SAMMSON: variants seen among roughly 807,000 people sequenced by gnomAD.
The protein encoded by SAMMSON is survival associated mitochondrial melanoma specific oncogenic non-coding RNA, also known as long intergenic non-protein coding RNA 1212.
At chr3:70,075,910 G>C (rs547063781) in intron 4 of SAMMSON, among the ~76,000 whole-genome samples, 22 of 131,306 alleles carry the variant, frequency 1.7e-4, no homozygotes, top group South Asian at 9.5e-4. Flanking sequence ...TATTCATTCT[G>C]AGGTAGTCCT....
intron 4 of SAMMSON, among the ~76,000 whole-genome samples, chr3:70,124,746 C>CA (rs1194809017): frequency 2.3e-5 from 3 of 128,474 alleles, no homozygotes; most frequent in Non-Finnish European, 4.6e-5. Context: ...ACCCGGGAGG[C>CA]AGAGCTTGCA....
At chr3:70,373,369 G>C (rs1019278573) in intron 9 of SAMMSON, among the ~76,000 whole-genome samples, 3 of 151,994 alleles carry the variant, frequency 2.0e-5, no homozygotes, top group Non-Finnish European at 2.9e-5. Context: ...CCATAGGAAA[G>C]AGTTTTTTCT....
intron 4 of SAMMSON, among the ~76,000 whole-genome samples, chr3:70,156,201 C>T (rs531055387): frequency 2.6e-5 from 4 of 152,110 alleles, no homozygotes; most frequent in Admixed American, 1.3e-4. Context: ...CTTCAATGGT[C>T]GGATGAGGGT....
At chr3:70,162,531 G>A (rs536502799) in intron 4 of SAMMSON, among the ~76,000 whole-genome samples, 1 of 151,774 alleles carries the variant, frequency 6.6e-6, no homozygotes, top group South Asian at 2.1e-4. Flanking sequence ...TTTTAAATGT[G>A]TTATGATTTG....
chr3:70,196,314 A>T (rs1253490903), intron 4 of SAMMSON, among the ~76,000 whole-genome samples: 1 of 152,356 alleles, frequency 6.6e-6, no homozygotes, highest in Admixed American at 6.5e-5. Context: ...TTCAAAATTC[A>T]CTGGAGATGT....
At chr3:70,314,842 G>A (rs1221762172) in intron 7 of SAMMSON, among the ~76,000 whole-genome samples, 1 of 152,070 alleles carries the variant, frequency 6.6e-6, no homozygotes, top group African/African-American at 2.4e-5. Flanking sequence ...AACCTGAGAT[G>A]CTTCCAGGTT....
intron 2 of SAMMSON, among the ~76,000 whole-genome samples, chr3:70,405,535 T>A (rs1462887755): frequency 6.6e-6 from 1 of 152,066 alleles, no homozygotes; most frequent in Non-Finnish European, 1.5e-5. Flanking sequence ...CTTCTAGAGA[T>A]GAAAATCTAA....
chr3:70,230,623 TAAC>T lies in SAMMSON; in HGVS notation n.508-18475_508-18473del, dbSNP rs1388380532. Among the ~76,000 whole-genome samples the T allele has an allele frequency of 3.9e-5, 6 of 152,310 alleles. No homozygotes were observed. In the South Asian group the frequency reaches 1.2e-3, roughly 32 times the overall value. Reference sequence around the variant, plus strand: ...TTATTATTTAAAAACTGGTTTAATTTAACAACAACAAAAAAAGTTGAGCTGCAA... The same window carrying T: ...TTATTATTTAAAAACTGGTTTAATTTAACAACAAAAAAAGTTGAGCTGCAA... On this transcript the variant is annotated intron_variant and non_coding_transcript_variant, in intron 4 of 9. Transcript: ENST00000642114.
intron 6 of SAMMSON, among the ~76,000 whole-genome samples, chr3:70,252,886 C>T (rs1701782359): frequency 1.3e-5 from 2 of 151,940 alleles, no homozygotes; most frequent in Admixed American, 6.5e-5. Flanking sequence ...TCGAGACCAG[C>T]GTGGCCAACA....
intron 5 of SAMMSON, chr3:70,249,483 A>G (rs1701739433): frequency 6.6e-6 from 1 of 151,992 alleles, no homozygotes; most frequent in South Asian, 2.1e-4. Flanking sequence ...TACAATTTCA[A>G]TTTTTCCCTC....
intron 7 of SAMMSON, among the ~76,000 whole-genome samples, chr3:70,295,379 C>T (rs574316186): frequency 8.5e-5 from 13 of 152,214 alleles, no homozygotes; most frequent in Non-Finnish European, 1.5e-4. Context: ...AAACTCAACC[C>T]TTTGACTGAA....
chr3:70,108,430 T>TA (rs2067375979), intron 4 of SAMMSON, among the ~76,000 whole-genome samples: 3 of 144,350 alleles, frequency 2.1e-5, no homozygotes, highest in African/African-American at 7.7e-5. Flanking sequence ...TTCCTTTTTT[T>TA]TTTTTTTTTT....
intron 9 of SAMMSON, among the ~76,000 whole-genome samples, chr3:70,378,120 T>A (rs1271457783): frequency 1.3e-5 from 2 of 151,174 alleles, no homozygotes; most frequent in South Asian, 4.1e-4. Context: ...AGCACTAGTA[T>A]TTAGTTATAT....
At chr3:70,136,768 A>G (rs762012318) in intron 4 of SAMMSON, among the ~76,000 whole-genome samples, 10 of 152,208 alleles carry the variant, frequency 6.6e-5, no homozygotes, top group Non-Finnish European at 1.3e-4. Context: ...AGGTTTAACT[A>G]TACTTACTAA....
chr3:70,338,491 A>G (rs982198540), intron 7 of SAMMSON, among the ~76,000 whole-genome samples: 1 of 152,138 alleles, frequency 6.6e-6, no homozygotes, highest in African/African-American at 2.4e-5. Flanking sequence ...ATGATTGTAT[A>G]TATAGAAAAC....
At chr3:70,126,015 T>G (rs2067457051) in intron 4 of SAMMSON, 1 of 866,076 alleles carries the variant, frequency 1.2e-6, no homozygotes, top group Non-Finnish European at 1.9e-6. Flanking sequence ...GCGCAGTAAT[T>G]GATCTAAAAG....
At chr3:70,103,396 T>C (rs2067353511) in intron 4 of SAMMSON, among the ~76,000 whole-genome samples, 1 of 152,184 alleles carries the variant, frequency 6.6e-6, no homozygotes, top group Non-Finnish European at 1.5e-5. Context: ...TGCATCTAGA[T>C]GTATGAGGTT....
At chr3:70,289,018 G>T (rs967074964) in intron 6 of SAMMSON, among the ~76,000 whole-genome samples, 5 of 152,126 alleles carry the variant, frequency 3.3e-5, no homozygotes, top group East Asian at 1.9e-4. Flanking sequence ...TATCCAGTTT[G>T]CCAGTCTGTG....
chr3:70,253,084 A>T (rs1337322106), intron 6 of SAMMSON, among the ~76,000 whole-genome samples: 1 of 140,632 alleles, frequency 7.1e-6, no homozygotes, highest in Admixed American at 6.8e-5. Flanking sequence ...TTGCTCAAAG[A>T]AAAAAAAAAT....
Sources: allele counts gnomAD v4.1 joint callset (sites outside exome capture counted in the v4.1 genomes callset), GRCh38; gene constraint gnomAD v4.1.1; transcripts MANE v1.5; gene names NCBI Gene and HGNC (gene_info 2026-07-23, HGNC 2026-07-21).